CLIC5: variants seen among roughly 807,000 people sequenced by gnomAD.
CLIC5 encodes CLIC family member 5, also known as chloride intracellular channel protein 5.
A neutral mutation model predicts 24.7 loss-of-function variants in CLIC5; 20 were observed. The observed-to-expected ratio is 0.81, with a 90% CI of 0.57 to 1.18. The LOEUF (loss-of-function observed/expected upper bound fraction) is 1.18, where lower values mean the gene tolerates loss of function less well. CLIC5 is among the 50% of genes most tolerant of loss of function. The pLI, the probability that CLIC5 is intolerant of heterozygous loss-of-function variation, is 0.00. For missense variants in CLIC5, 341 were observed against 326.1 expected (o/e 1.05, Z -0.35); for synonymous variants, 159 against 135.6 (o/e 1.17, Z -1.20).
At chr6:45,950,048 T>A (rs1482161182) in intron 2 of CLIC5, among the ~76,000 whole-genome samples, 1 of 152,196 alleles carries the variant, frequency 6.6e-6, no homozygotes, top group Admixed American at 6.5e-5. Flanking sequence ...TAAATGAAGA[T>A]GTTTTCAAAA....
Position 45,900,862 on chromosome 6 carries a change from T to C in CLIC5, c.*2226A>G, listed in dbSNP as rs1762492837. On this transcript the variant is annotated 3_prime_UTR_variant, in exon 6 of 6. Transcript: ENST00000339561. ...GTTTGGCCTGTTTGTTTTTAAGGAC[T>C]TTCCAGTTGCTGAATTCTGAACATC... The C allele has an allele frequency of 6.6e-6, 1 of 152,234 alleles. No individual in the cohort carries two copies. The allele number at this position is 152,234 out of a possible 1,614,324, so 9.4% of individuals were successfully genotyped here. A position where few individuals can be genotyped will look rare whatever the true frequency, so the allele number is the denominator to read the frequency against.
In CLIC5 at chr6:45,981,921, C is replaced by A. The variant is rs562394928; in HGVS notation, c.64-26677G>T. The stretch of plus-strand genomic sequence containing the variant: ...GCTGAGGCAGGAGAATCTCTTGAAC[C>A]TGGGAGGCAGAGGTTGCAGTGAGCT... On this transcript the variant is annotated intron_variant, in intron 1 of 5. Transcript: ENST00000339561. Among the ~76,000 whole-genome samples, 3 of 151,648 alleles carry A rather than the reference C, an allele frequency of 2.0e-5. No homozygotes were observed. The South Asian group carries it at 6.2e-4, about 32-fold the overall frequency.
the CLIC5 span, among the ~76,000 whole-genome samples, chr6:46,105,948 G>C: frequency 6.6e-6 from 1 of 152,214 alleles, no homozygotes; most frequent in African/African-American, 2.4e-5. Context: ...GTCTATGAGA[G>C]TGCTCACCAC....
rs1158085615 is a variant in CLIC5 at position 45,914,144 on chromosome 6, A to G, written c.588+84T>C. On this transcript the variant is annotated intron_variant, in intron 5 of 5. Coordinates refer to ENST00000339561, the MANE Select transcript of CLIC5 (RefSeq NM_016929.5). ...TCCAGGTTCTTGACCAACAGGTGGT[A>G]CTGTCCTTGACTCATCCACACAGGT... 9.9e-6 allele frequency: 11 copies of G among 1,113,212 alleles called. No individual in the cohort carries two copies. The Admixed American group carries it at 2.4e-4, about 25-fold the overall frequency. 69.0% of individuals were successfully genotyped at this position (1,113,212 alleles called of 1,614,324 possible).
chr6:46,079,584 A>T, intron 1 of CLIC5: 1 of 817,482 alleles, frequency 1.2e-6, no homozygotes. Context: ...ACTCCTGAAT[A>T]TGTATTGAGA....
intron 1 of CLIC5, among the ~76,000 whole-genome samples, chr6:46,036,655 T>C (rs559814970): frequency 6.6e-6 from 1 of 152,318 alleles, no homozygotes; most frequent in African/African-American, 2.4e-5. Flanking sequence ...CAGTTATTTG[T>C]ATTTATTCAC....
Position 46,026,002 on chromosome 6 carries a change from A to G in CLIC5, c.540+53701T>C, listed in dbSNP as rs1040754248. Among the ~76,000 whole-genome samples, 3 of 152,160 alleles carry G rather than the reference A, an allele frequency of 2.0e-5. No individual in the cohort carries two copies. The East Asian group carries it at 5.8e-4, about 29-fold the overall frequency. On this transcript the variant is annotated intron_variant, in intron 1 of 5. Coordinates refer to the CLIC5 transcript ENST00000185206. ...TGAGTCAATTAAACCTCTTTTCTTT[A>G]TAAATTACCCAGTCTCAGGTATCTC...
At chr6:46,081,845 T>C (rs1216392543), upstream of CLIC5, among the ~76,000 whole-genome samples, 5 of 152,236 alleles carry the variant, frequency 3.3e-5, no homozygotes, top group Admixed American at 6.5e-5. Context: ...CAGTAATATT[T>C]CTGCTACTAA....
intron 6 of CLIC5, among the ~76,000 whole-genome samples, chr6:45,885,943 T>C (rs1476346313): frequency 6.6e-6 from 1 of 152,168 alleles, no homozygotes; most frequent in Non-Finnish European, 1.5e-5. Context: ...GAGAAACTGA[T>C]ACTGCACAGG....
chr6:45,987,813 T>C (rs145799146), intron 1 of CLIC5, among the ~76,000 whole-genome samples: 199 of 152,326 alleles, frequency 1.3e-3, no homozygotes, highest in African/African-American at 4.3e-3. Context: ...TACACTCTTA[T>C]GACTTCATTT....
Position 45,904,647 on chromosome 6 carries a change from C to CTTCCCTCCTT in CLIC5, c.589-1393_589-1392insAAGGAGGGAA, listed in dbSNP as rs1554143221. ...CTCCCCTCCCTCCCTCTTTTCTGTC[C>CTTCCCTCCTT]CTTTCCTTCCCTCCCTACTCCCTTC... On this transcript the variant is annotated intron_variant, in intron 5 of 5. Transcript: ENST00000339561. Among the ~76,000 whole-genome samples, 53 of 8,932 alleles carry CTTCCCTCCTT rather than the reference C, an allele frequency of 5.9e-3. 1 individual carries two copies. Among genetic ancestry groups the CTTCCCTCCTT allele is most frequent in the Non-Finnish European group, 8.9e-3 (36 of 4,058 alleles). 5.9% of individuals were successfully genotyped at this position (8,932 alleles called of 152,430 possible).
intron 5 of CLIC5, chr6:45,912,559 C>T: frequency 7.1e-7 from 1 of 1,412,118 alleles, no homozygotes; most frequent in Non-Finnish European, 9.4e-7. Flanking sequence ...CAATCCACTT[C>T]TGTTCTTCTA....
At chr6:45,966,657 G>A (rs188763649) in intron 1 of CLIC5, among the ~76,000 whole-genome samples, 1 of 151,990 alleles carries the variant, frequency 6.6e-6, no homozygotes, top group East Asian at 1.9e-4. Context: ...TCCTCTTTTT[G>A]TTTCCTTTTT....
At chr6:46,095,006 C>T in the CLIC5 span, among the ~76,000 whole-genome samples, 363 of 152,338 alleles carry the variant, frequency 2.4e-3, 2 homozygotes, top group South Asian at 0.012. Flanking sequence ...ACAGACTTAA[C>T]ACCACGTGGA....
At chr6:46,041,743 A>G (rs1767814316) in intron 1 of CLIC5, among the ~76,000 whole-genome samples, 3 of 152,202 alleles carry the variant, frequency 2.0e-5, no homozygotes, top group Admixed American at 1.3e-4. Flanking sequence ...TAACTTCTCT[A>G]TGCTTACATT....
At chr6:46,087,918 C>T in the CLIC5 span, among the ~76,000 whole-genome samples, 1 of 152,130 alleles carries the variant, frequency 6.6e-6, no homozygotes, top group Non-Finnish European at 1.5e-5. Flanking sequence ...GCATATTTGT[C>T]ATCACTATCA....
chr6:46,113,751 A>G, the CLIC5 span, among the ~76,000 whole-genome samples: 1 of 152,166 alleles, frequency 6.6e-6, no homozygotes, highest in African/African-American at 2.4e-5. Flanking sequence ...AGGGCCTTTA[A>G]AGAGGTAATC....
At chr6:45,954,357 A>C (rs1041714454) in intron 2 of CLIC5, among the ~76,000 whole-genome samples, 1 of 152,182 alleles carries the variant, frequency 6.6e-6, no homozygotes, top group African/African-American at 2.4e-5. Context: ...AAAGGATACA[A>C]ATTGATGTAT....
At chr6:45,943,463 A>T (rs1246246128) in intron 3 of CLIC5, among the ~76,000 whole-genome samples, 2 of 152,234 alleles carry the variant, frequency 1.3e-5, no homozygotes, top group East Asian at 3.8e-4. Flanking sequence ...ATACTAGGTA[A>T]TCTACCAAGA....
Sources: gnomAD v4.1 joint callset for allele counts (sites outside exome capture counted in the v4.1 genomes callset) on GRCh38, gnomAD v4.1.1 for gene constraint, MANE v1.5 for transcripts, NCBI Gene and HGNC (gene_info 2026-07-23, HGNC 2026-07-21) for gene names.